The following ZFYVE1 variants were observed in gnomAD, a reference collection of about 807,000 sequenced individuals.
ZFYVE1 encodes the protein zinc finger FYVE domain-containing protein 1.
A neutral mutation model predicts 74.4 loss-of-function variants in ZFYVE1; 30 were observed. The ratio of observed to expected loss-of-function variants is 0.40; its 90% confidence interval spans 0.30 to 0.55. The LOEUF (loss-of-function observed/expected upper bound fraction) is 0.55. Among genes scored for constraint, ZFYVE1 ranks in the 20% least tolerant of loss-of-function variants. The pLI is 0.42. For missense variants in ZFYVE1, 703 were observed against 1,011.6 expected (o/e 0.69, Z 4.14); for synonymous variants, 335 against 385.1 (o/e 0.87, Z 1.52).
At chr14:73,019,195 C>T (rs577666527) in intron 2 of ZFYVE1, among the ~76,000 whole-genome samples, 1 of 152,216 alleles carries the variant, frequency 6.6e-6, no homozygotes, top group African/African-American at 2.4e-5. Flanking sequence ...CTGAGTAGTA[C>T]TCAAATCATA....
intron 2 of ZFYVE1, among the ~76,000 whole-genome samples, chr14:73,006,709 CTTTTTTTTT>C (rs35364666): frequency 1.3e-5 from 1 of 77,686 alleles, no homozygotes; most frequent in Non-Finnish European, 2.5e-5. Context: ...ACCCCAGTTC[CTTTTTTTTT>C]TTTTTTTTTT....
chr14:72,991,084 C>G (rs927062199), intron 4 of ZFYVE1, among the ~76,000 whole-genome samples: 2 of 151,930 alleles, frequency 1.3e-5, no homozygotes, highest in Admixed American at 6.6e-5. Flanking sequence ...TTTCTCAAAG[C>G]CAGTAATAAA....
chr14:73,007,835 C>T (rs1894010781), intron 2 of ZFYVE1, among the ~76,000 whole-genome samples: 1 of 152,196 alleles, frequency 6.6e-6, no homozygotes, highest in Admixed American at 6.5e-5. Flanking sequence ...AATTTCTTTT[C>T]ATTCTATCCT....
intron 4 of ZFYVE1, among the ~76,000 whole-genome samples, chr14:72,988,390 G>C (rs1893532129): frequency 6.6e-6 from 1 of 151,888 alleles, no homozygotes; most frequent in Non-Finnish European, 1.5e-5. Flanking sequence ...GGCCAGGCTG[G>C]TCTCGAACTC....
At position 72,998,072 on chromosome 14, in the gene ZFYVE1, T is replaced by C; in HGVS notation, c.727A>G (p.Thr243Ala). Reference protein sequence around the residue: ...VIDTEGLLGATVNLSQRTRLL... With the variant: ...VIDTEGLLGAAVNLSQRTRLL... ...CGTGTTCTCTGGCTTAGATTCACGG[T>C]GGCCCCCAGGAGCCCTTCCGTATCG... Residue 243 changes from threonine (T) to alanine (A), a missense_variant, in exon 3 of 12, where the codon ACC becomes GCC. Thr to Ala is a moderately conservative substitution (Grantham distance 58). This residue lies in a region of ZFYVE1 where 492 missense variants were observed against 790.0 expected (regional missense o/e 0.62). Coordinates refer to ENST00000556143, the MANE Select transcript of ZFYVE1 (RefSeq NM_021260.4). 3 of 1,614,054 alleles carry C rather than the reference T, an allele frequency of 1.9e-6. No individual in the cohort carries two copies. Among genetic ancestry groups the C allele is most frequent in the Non-Finnish European group, 2.5e-6 (3 of 1,179,992 alleles).
chr14:72,988,001 CAT>C lies in ZFYVE1; in HGVS notation c.1203+5140_1203+5141del, dbSNP rs775576358. 2.1e-3 allele frequency among the ~76,000 whole-genome samples: 314 copies of C among 152,272 alleles called. 1 individual carries two copies. Among genetic ancestry groups the C allele is most frequent in the Admixed American group, 5.6e-3 (85 of 15,292 alleles). On this transcript the variant is annotated intron_variant, in intron 4 of 11. Transcript: ENST00000556143. ...TCTCTGTCTCTCTCTCACACACACACATATGTGCATGCATGTGTGCACACCAA... is the reference window on the plus strand; with the variant it reads ...TCTCTGTCTCTCTCTCACACACACACATGTGCATGCATGTGTGCACACCAA...
intron 2 of ZFYVE1, among the ~76,000 whole-genome samples, chr14:73,008,158 T>C (rs1894018703): frequency 6.6e-6 from 1 of 152,124 alleles, no homozygotes; most frequent in South Asian, 2.1e-4. Flanking sequence ...AGTGTTTCTT[T>C]TTTTATTTTT....
Position 73,027,089 on chromosome 14 carries a change from G to C in ZFYVE1, c.-598C>G, listed in dbSNP as rs1167883569. On this transcript the variant is annotated 5_prime_UTR_variant, in exon 1 of 12. Coordinates refer to ENST00000556143, the MANE Select transcript of ZFYVE1 (RefSeq NM_021260.4). ...CTTCCTCCTCTCCTGTTGTCAGTTG[G>C]GATCAGCTGATCGGAGTGAACTTCT... The C allele has an allele frequency of 2.5e-5, 10 of 399,036 alleles. No homozygotes were observed. The Admixed American group carries it at 4.0e-4, about 16-fold the overall frequency. 24.7% of individuals were successfully genotyped at this position (399,036 alleles called of 1,614,324 possible). A position where few individuals can be genotyped will look rare whatever the true frequency, so the allele number is the denominator to read the frequency against.
chr14:73,024,014 C>A lies in ZFYVE1; in HGVS notation c.483+12G>T. On this transcript the variant is annotated intron_variant, in intron 2 of 11. Coordinates refer to ENST00000556143, the MANE Select transcript of ZFYVE1 (RefSeq NM_021260.4). ...CCACTACACATGAATCCCACTATACCCGTGTGCTTACCTGAATTTCTTCAT... is the reference window on the plus strand; with the variant it reads ...CCACTACACATGAATCCCACTATACACGTGTGCTTACCTGAATTTCTTCAT... 6.2e-7 allele frequency: 1 copy of A among 1,611,804 alleles called. No homozygotes were observed. Among genetic ancestry groups the A allele is most frequent in the Non-Finnish European group, 8.5e-7 (1 of 1,179,074 alleles).
At position 72,975,707 on chromosome 14, in the gene ZFYVE1, C is replaced by A. The variant is rs1471696237; in HGVS notation, c.1650G>T (p.Leu550=). The A allele has an allele frequency of 6.2e-7, 1 of 1,613,708 alleles. No homozygotes were observed. The highest frequency in any genetic ancestry group is 8.5e-7 in the Non-Finnish European group (1 of 1,179,938). Reference sequence around the variant, plus strand: ...GCTGGGCAGCATTGTTGTTGTCCTTCAGAAACCCATCAGTCTGAAATGAAA... The same window carrying A: ...GCTGGGCAGCATTGTTGTTGTCCTTAAGAAACCCATCAGTCTGAAATGAAA... ...VHVWPGTDGF[L]KDNNNAAQRL... is the part of the protein sequence containing the mutation. Residue 550 remains leucine, a synonymous_variant, in exon 9 of 12, where the codon CTG becomes CTT. Coordinates refer to ENST00000556143, the MANE Select transcript of ZFYVE1 (RefSeq NM_021260.4). The surrounding 1 kb of genome is among the most constrained non-coding windows in gnomAD (Gnocchi z 4.1).
intron 2 of ZFYVE1, among the ~76,000 whole-genome samples, chr14:73,023,192 ATTT>A (rs1894356990): frequency 8.6e-6 from 1 of 115,668 alleles, no homozygotes; most frequent in African/African-American, 3.2e-5. Context: ...ATATATATAT[ATTT>A]TATATATGTT....
At chr14:73,023,401 ATATAATATATATTT>A (rs1894384360) in intron 2 of ZFYVE1, among the ~76,000 whole-genome samples, 1 of 133,508 alleles carries the variant, frequency 7.5e-6, no homozygotes, top group Non-Finnish European at 1.6e-5. Flanking sequence ...TGTGTTTTAT[ATATAATATATATTT>A]TATGTTTTAT....
At chr14:73,016,778 G>T (rs998237754) in intron 2 of ZFYVE1, among the ~76,000 whole-genome samples, 10 of 151,636 alleles carry the variant, frequency 6.6e-5, no homozygotes, top group Non-Finnish European at 1.0e-4. Context: ...GGAGGCTGAG[G>T]CAGGAGAATC....
chr14:72,996,301 A>G (rs1893747008), intron 3 of ZFYVE1, among the ~76,000 whole-genome samples: 1 of 152,232 alleles, frequency 6.6e-6, no homozygotes, highest in Non-Finnish European at 1.5e-5. Flanking sequence ...TAAGCTTTTG[A>G]AAAGATCACA....
At chr14:73,015,196 A>T (rs112964454) in intron 2 of ZFYVE1, among the ~76,000 whole-genome samples, 1 of 141,666 alleles carries the variant, frequency 7.1e-6, no homozygotes, top group East Asian at 2.2e-4. Context: ...GTGCCACTGC[A>T]CTCCAGCTGG....
At position 73,024,094 on chromosome 14, in the gene ZFYVE1, TCTC is replaced by T. The variant is rs1894402697; in HGVS notation, c.412_414del (p.Glu138del). On this transcript the variant is annotated inframe_deletion, in exon 2 of 12. Transcript: ENST00000556143. ...TTCTCAGTCATCTTCTTCCTCTTGG[TCTC>T]CTCATCCATCTCTTCTGCCTCCAGT... The T allele has an allele frequency of 6.2e-7, 1 of 1,614,166 alleles. No individual in the cohort carries two copies. Among genetic ancestry groups the T allele is most frequent in the African/African-American group, 1.3e-5 (1 of 75,032 alleles).
rs536378225 is a variant in ZFYVE1, at chr14:73,015,075, A to G, written c.483+8951T>C. ...GTGAAACCCCGTCTCTACTAAAAAT[A>G]CAAAAATCAGTCAGGCATGGTGGCA... On this transcript the variant is annotated intron_variant, in intron 2 of 11. Coordinates refer to ENST00000556143, the MANE Select transcript of ZFYVE1 (RefSeq NM_021260.4). 7.3e-5 allele frequency among the ~76,000 whole-genome samples: 11 copies of G among 151,716 alleles called. No individual in the cohort carries two copies. The East Asian group carries it at 2.0e-3, about 27-fold the overall frequency.
At chr14:73,018,558 A>G (rs1363847636) in intron 2 of ZFYVE1, among the ~76,000 whole-genome samples, 1 of 152,000 alleles carries the variant, frequency 6.6e-6, no homozygotes, top group Admixed American at 6.6e-5. Flanking sequence ...TTAGGTGTTT[A>G]CATGTGTGAA....
intron 4 of ZFYVE1, among the ~76,000 whole-genome samples, chr14:72,986,475 T>TAA (rs33940384): frequency 7.2e-6 from 1 of 139,694 alleles, no homozygotes; most frequent in Non-Finnish European, 1.5e-5. Flanking sequence ...CAGTAACTGT[T>TAA]AAAAAAAAAA....
Sources: gnomAD v4.1 joint callset for allele counts (sites outside exome capture counted in the v4.1 genomes callset) on GRCh38, gnomAD v4.1.1 for gene constraint, gnomAD v4.1.1 regional missense constraint, Gnocchi (gnomAD v3.1) non-coding constraint, MANE v1.5 for transcripts, NCBI Gene and HGNC (gene_info 2026-07-23, HGNC 2026-07-21) for gene names.